Variants in USP40 observed in about 807,000 individuals in gnomAD.
USP40 encodes ubiquitin carboxyl-terminal hydrolase 40.
Under a neutral mutation model 166.2 loss-of-function variants are expected in USP40, and 143 were observed. That is an observed-to-expected ratio of 0.86 (90% CI 0.75 to 0.99). The LOEUF (loss-of-function observed/expected upper bound fraction) is 0.99. Ranked by LOEUF, USP40 falls within the 50% of genes least tolerant of loss-of-function variation. The probability of loss-of-function intolerance (pLI) is 0.00; values close to 1 mark genes in which losing one functional copy is unlikely to be tolerated. For missense variants in USP40, 1,444 were observed against 1,479.7 expected, an observed-to-expected ratio of 0.98 and a Z score of 0.40; for synonymous variants, 498 against 524.0, an observed-to-expected ratio of 0.95 and a Z score of 0.68.
chr2:233,563,315 G>A (rs752789421), intron 2 of USP40, among the ~76,000 whole-genome samples: 21 of 152,146 alleles, frequency 1.4e-4, no homozygotes, highest in Non-Finnish European at 2.8e-4. Context: ...AACCCCATGC[G>A]AGTCTCCAGA....
chr2:233,507,581 C>G (rs1242712905), intron 21 of USP40, among the ~76,000 whole-genome samples: 1 of 150,316 alleles, frequency 6.7e-6, no homozygotes, highest in Non-Finnish European at 1.5e-5. Flanking sequence ...CACAGAAAGG[C>G]TGATCGGTAA....
chr2:233,531,747 T>C (rs6716988), intron 11 of USP40, among the ~76,000 whole-genome samples: 124,636 of 152,208 alleles, frequency 0.82, 51,243 homozygotes, highest in East Asian at 0.96. Context: ...AAAATGATGG[T>C]TATTCTCATT....
chr2:233,547,043 C>A (rs1158087849), intron 8 of USP40: 1 of 151,956 alleles, frequency 6.6e-6, no homozygotes, highest in Non-Finnish European at 1.5e-5. Context: ...CTTTCCCAAG[C>A]CAGAATGGGA....
Position 233,559,868 on chromosome 2 carries a change from G to C in USP40, c.324C>G (p.Asp108Glu). Residue 108 changes from aspartate to glutamate, a missense_variant, in exon 4 of 32, where the codon GAC becomes GAG. By Grantham distance (45) the Asp-to-Glu change is conservative. Coordinates refer to ENST00000678225, the MANE Select transcript of USP40 (RefSeq NM_001365479.2). The stretch of plus-strand genomic sequence containing the variant: ...GGTCTGCTGTGGATGCAGCTTCCTG[G>C]TCTAAGAGCAGAAGCTGAGCAAACA... ...QRLFAQLLLL[D>E]QEAASTADLT... 1 of 1,610,734 alleles carries C rather than the reference G, an allele frequency of 6.2e-7. No individual in the cohort carries two copies. Among genetic ancestry groups the C allele is most frequent in the Non-Finnish European group, 8.5e-7 (1 of 1,178,560 alleles).
At chr2:233,562,674 C>T in intron 3 of USP40, 62 bp downstream of exon 3, 1 of 1,247,452 alleles carries the variant, frequency 8.0e-7, no homozygotes, top group African/African-American at 1.6e-5. Flanking sequence ...ATGTAACTAA[C>T]CTGCACATTG....
At position 233,554,345 on chromosome 2, in the gene USP40, G is replaced by A. The variant is rs141038657; in HGVS notation, c.693+35C>T. ...AGTTGACTTGTACTAACTACAAAGT[G>A]GGGACCCTGGGAAAAAGCAGTTATC... On this transcript the variant is annotated intron_variant, in intron 6 of 31. Transcript: ENST00000678225. 1.9e-4 allele frequency: 305 copies of A among 1,573,672 alleles called. No individual in the cohort carries two copies. In the African/African-American group the frequency reaches 3.9e-3, roughly 20 times the overall value.
At chr2:233,489,929 T>C (rs1023088936) in intron 26 of USP40, 10 of 158,000 alleles carry the variant, frequency 6.3e-5, no homozygotes, top group Admixed American at 3.6e-4. Context: ...TTCTGAAGTA[T>C]TTCAAAATCT....
chr2:233,499,744 C>A, intron 22 of USP40, 135 bp downstream of exon 22: 1 of 649,902 alleles, frequency 1.5e-6, no homozygotes, highest in East Asian at 2.8e-5. Context: ...TCATTATGTA[C>A]ATATGGAAGT....
chr2:233,512,813 A>G (rs1199217636), intron 18 of USP40, 191 bp from the exon 19 acceptor site: 1 of 308,070 alleles, frequency 3.2e-6, no homozygotes. Flanking sequence ...CCCAACAACC[A>G]AAGAAAAAAC....
At chr2:233,523,144 T>C in intron 16 of USP40, 26 bp downstream of exon 16, 1 of 1,576,206 alleles carries the variant, frequency 6.3e-7, no homozygotes. Context: ...CTTTTAGAAA[T>C]CCTTTTTCTC....
chr2:233,478,145 A>C (rs1306707093), intron 31 of USP40, among the ~76,000 whole-genome samples: 3 of 152,258 alleles, frequency 2.0e-5, no homozygotes, highest in Non-Finnish European at 2.9e-5. Flanking sequence ...GGCCATGGTG[A>C]ATGAAGCTGC....
chr2:233,562,861 T>G, intron 2 of USP40, 58 bp from the exon 3 acceptor site: 2 of 1,390,736 alleles, frequency 1.4e-6, no homozygotes, highest in South Asian at 2.8e-5. Context: ...TAAAAAATTG[T>G]TTTAGAAAGC....
intron 8 of USP40, among the ~76,000 whole-genome samples, chr2:233,543,297 C>A (rs1203668259): frequency 1.3e-5 from 2 of 152,096 alleles, no homozygotes; most frequent in Non-Finnish European, 2.9e-5. Context: ...CATCCTGCTA[C>A]AAAATTACTA....
chr2:233,506,779 C>T (rs1255050187), intron 21 of USP40, among the ~76,000 whole-genome samples: 1 of 148,506 alleles, frequency 6.7e-6, no homozygotes, highest in Non-Finnish European at 1.5e-5. Flanking sequence ...GGCATAGTAG[C>T]ATATACCTGC....
intron 13 of USP40, among the ~76,000 whole-genome samples, chr2:233,527,069 C>A (rs570823387): frequency 2.0e-5 from 3 of 152,264 alleles, no homozygotes; most frequent in African/African-American, 7.2e-5. Flanking sequence ...CTCAGTTTTA[C>A]ACAACATGCT....
intron 2 of USP40, among the ~76,000 whole-genome samples, chr2:233,564,715 T>C (rs139788701): frequency 1.3e-5 from 2 of 152,158 alleles, no homozygotes; most frequent in African/African-American, 2.4e-5. Flanking sequence ...TTTATATATA[T>C]ATAAAATGTT....
chr2:233,477,725 G>T (rs2064262174), intron 31 of USP40, among the ~76,000 whole-genome samples: 1 of 152,252 alleles, frequency 6.6e-6, no homozygotes, highest in Non-Finnish European at 1.5e-5. Flanking sequence ...TGGCAGCACG[G>T]CATGGTTCAG....
chr2:233,488,655 C>T (rs576462926), intron 27 of USP40, among the ~76,000 whole-genome samples: 15 of 152,304 alleles, frequency 9.8e-5, no homozygotes, highest in African/African-American at 3.4e-4. Flanking sequence ...TGGCTCACGC[C>T]AGTAACCCAG....
At chr2:233,505,895 T>C (rs953822757) in intron 21 of USP40, among the ~76,000 whole-genome samples, 2 of 152,118 alleles carry the variant, frequency 1.3e-5, no homozygotes, top group Admixed American at 1.3e-4. Flanking sequence ...ATATCCCTGA[T>C]GAACATAGAT....
Sources: allele counts gnomAD v4.1 joint callset (sites outside exome capture counted in the v4.1 genomes callset), GRCh38; gene constraint gnomAD v4.1.1; transcripts MANE v1.5; gene names NCBI Gene and HGNC (gene_info 2026-07-23, HGNC 2026-07-21).